Variants in SLC6A6 observed in about 807,000 individuals in gnomAD.
SLC6A6 encodes solute carrier family 6 member 6.
In SLC6A6, 16 loss-of-function variants were observed where a neutral mutation model predicts 68.8. That is an observed-to-expected ratio of 0.23 (90% CI 0.16 to 0.35). The LOEUF is 0.35. SLC6A6 is among the 10% of genes least tolerant of loss of function. SLC6A6 has a pLI of 1.00. For synonymous variants in SLC6A6, 312 were observed against 315.4 expected (o/e 0.99, Z 0.12); for missense variants, 474 against 802.8 (o/e 0.59, Z 4.95).
At chr3:14,447,505 C>G (rs1700152720) in intron 4 of SLC6A6, 77 bp from the exon 5 acceptor site, 1 of 1,577,572 alleles carries the variant, frequency 6.3e-7, no homozygotes, top group Non-Finnish European at 8.6e-7. Context: ...GATACCATGG[C>G]CTTCCAGTTG....
rs1321690169 is a variant in SLC6A6 at position 14,468,650 on chromosome 3, A to G, written c.1096+438A>G. Among the ~76,000 whole-genome samples, 2 of 152,122 alleles carry G rather than the reference A, an allele frequency of 1.3e-5. No homozygotes were observed. Among genetic ancestry groups the G allele is most frequent in the Non-Finnish European group, 1.5e-5 (1 of 68,024 alleles). On this transcript the variant is annotated intron_variant, in intron 9 of 14. Coordinates refer to ENST00000622186, the MANE Select transcript of SLC6A6 (RefSeq NM_003043.6). The surrounding 1 kb of genome is among the most constrained non-coding windows in gnomAD (Gnocchi z 4.5). ...CAGCGTGCTCCCTCTAAGCAGACGCATTCATCCATCCCACCGATTTCTCGT... is the reference window on the plus strand; with the variant it reads ...CAGCGTGCTCCCTCTAAGCAGACGCGTTCATCCATCCCACCGATTTCTCGT...
chr3:14,458,146 C>A lies in SLC6A6; in HGVS notation c.732+64C>A, dbSNP rs940107066. On this transcript the variant is annotated intron_variant, in intron 6 of 14. Transcript: ENST00000622186. ...GCTGTGCCAGGCTGGCCCTCTCCCC[C>A]ACTTCCCGCCTGCAATTAGCCACGC... 82 of 1,475,060 alleles carry A rather than the reference C, an allele frequency of 5.6e-5. No homozygotes were observed. In the Middle Eastern group the frequency reaches 1.4e-3, roughly 25 times the overall value. 91.4% of individuals were successfully genotyped at this position (1,475,060 alleles called of 1,614,324 possible).
intron 2 of SLC6A6, among the ~76,000 whole-genome samples, chr3:14,433,465 C>A (rs1307560286): frequency 6.6e-6 from 1 of 152,078 alleles, no homozygotes; most frequent in Non-Finnish European, 1.5e-5. Flanking sequence ...TGGTGAGGAA[C>A]CCAGGCGGCC....
At chr3:14,410,499 C>G (rs1266169942) in intron 1 of SLC6A6, among the ~76,000 whole-genome samples, 1 of 152,160 alleles carries the variant, frequency 6.6e-6, no homozygotes, top group Admixed American at 6.5e-5. Context: ...GCGTGGTGAG[C>G]AGCTCTGGCC....
rs1700913590 is a variant in SLC6A6 at position 14,477,814 on chromosome 3, A to G, written c.1347+472A>G. On this transcript the variant is annotated intron_variant, in intron 11 of 14. Coordinates refer to ENST00000622186, the MANE Select transcript of SLC6A6 (RefSeq NM_003043.6). The surrounding 1 kb of genome is among the most constrained non-coding windows in gnomAD (Gnocchi z 4.2). ...TGGGTTGATAGGGGGCACATACACTATTCAGAGGGTGAGCAGGGGCCAGGA... is the reference window on the plus strand; with the variant it reads ...TGGGTTGATAGGGGGCACATACACTGTTCAGAGGGTGAGCAGGGGCCAGGA... 1.3e-5 allele frequency among the ~76,000 whole-genome samples: 2 copies of G among 152,106 alleles called. No homozygotes were observed.
intron 5 of SLC6A6, among the ~76,000 whole-genome samples, chr3:14,457,102 GGTACTT>G (rs1157983254): frequency 1.3e-5 from 2 of 152,230 alleles, no homozygotes; most frequent in Non-Finnish European, 2.9e-5. Context: ...TCTGGGAGTA[GGTACTT>G]GTGTGCTTGT....
At chr3:14,444,664 T>C in intron 3 of SLC6A6, 1 of 451,132 alleles carries the variant, frequency 2.2e-6, no homozygotes. Flanking sequence ...TGGGCATGCC[T>C]TGTGCTGCCC....
At chr3:14,455,042 C>G (rs1700338321) in intron 5 of SLC6A6, among the ~76,000 whole-genome samples, 1 of 152,216 alleles carries the variant, frequency 6.6e-6, no homozygotes, top group Non-Finnish European at 1.5e-5. Flanking sequence ...ACATTTGAGT[C>G]ATTTCCAATC....
At chr3:14,458,823 T>C (rs1337131735) in intron 6 of SLC6A6, among the ~76,000 whole-genome samples, 1 of 152,278 alleles carries the variant, frequency 6.6e-6, no homozygotes. Flanking sequence ...GTATTATTCA[T>C]AACTGGAGTG....
At chr3:14,419,404 A>G (rs959670201) in intron 2 of SLC6A6, among the ~76,000 whole-genome samples, 1 of 152,198 alleles carries the variant, frequency 6.6e-6, no homozygotes, top group African/African-American at 2.4e-5. Flanking sequence ...AAGGGGCATG[A>G]TGCGGACATG....
At chr3:14,464,011 G>A (rs1371176538) in intron 6 of SLC6A6, among the ~76,000 whole-genome samples, 6 of 152,162 alleles carry the variant, frequency 3.9e-5, no homozygotes, top group African/African-American at 7.2e-5. Flanking sequence ...CAGAGGCAGC[G>A]TGCAACCCCT....
Position 14,481,246 on chromosome 3 carries a change from G to GAGA in SLC6A6, c.1552-421_1552-419dup, listed in dbSNP as rs34101269. Among the ~76,000 whole-genome samples the GAGA allele has an allele frequency of 0.24, 36,826 of 151,944 alleles. 4,733 individuals carry two copies. Among genetic ancestry groups the GAGA allele is most frequent in the African/African-American group, 0.31 (12,809 of 41,370 alleles). On this transcript the variant is annotated intron_variant, in intron 13 of 14. Coordinates refer to ENST00000622186, the MANE Select transcript of SLC6A6 (RefSeq NM_003043.6). The surrounding 1 kb of genome is among the most constrained non-coding windows in gnomAD (Gnocchi z 4.7). ...AGACCCAGTGGAGCCAAGTTAGGAT[G>GAGA]AGAAGATGTGGGGGAAAGAGGGCCA...
chr3:14,427,383 C>T (rs564811321), intron 2 of SLC6A6, among the ~76,000 whole-genome samples: 5 of 152,260 alleles, frequency 3.3e-5, no homozygotes, highest in South Asian at 4.1e-4. Flanking sequence ...GTGAGGAAAC[C>T]GAGGCACAGA....
intron 6 of SLC6A6, among the ~76,000 whole-genome samples, chr3:14,465,982 G>A (rs1197518973): frequency 6.6e-6 from 1 of 152,170 alleles, no homozygotes; most frequent in African/African-American, 2.4e-5. Context: ...TGTGAGGTGG[G>A]CTGGCGCTGT....
At chr3:14,407,135 G>C (rs963578585) in intron 1 of SLC6A6, among the ~76,000 whole-genome samples, 1 of 151,090 alleles carries the variant, frequency 6.6e-6, no homozygotes, top group Non-Finnish European at 1.5e-5. Context: ...CTGCAGCCTC[G>C]ATCTCCTGGG....
intron 13 of SLC6A6, among the ~76,000 whole-genome samples, chr3:14,479,662 G>A (rs985140249): frequency 1.3e-5 from 2 of 152,076 alleles, no homozygotes; most frequent in Non-Finnish European, 2.9e-5. Context: ...TTAGAGAGGG[G>A]AAGTCCTGGG....
rs771428962 is a variant in SLC6A6, at chr3:14,472,314, C to T, written c.1206C>T (p.Ser402=). Residue 402 remains serine, a synonymous_variant, in exon 10 of 15, where the codon AGC becomes AGT. Coordinates refer to ENST00000622186, the MANE Select transcript of SLC6A6 (RefSeq NM_003043.6). The surrounding 1 kb of genome is among the most constrained non-coding windows in gnomAD (Gnocchi z 4.5). The stretch of plus-strand genomic sequence containing the variant: ...TGCTTCTCTTGCTTGGACTGGATAG[C>T]CAGGTGCGTATAAGGGATGGCCCTG... ...FIMLLLLGLD[S]QFVEVEGQIT... is the part of the protein sequence containing the mutation. The T allele has an allele frequency of 2.5e-6, 4 of 1,583,582 alleles. No individual in the cohort carries two copies. The highest frequency in any genetic ancestry group is 1.7e-4 in the Middle Eastern group (1 of 6,000).
intron 11 of SLC6A6, 22 bp from the exon 12 acceptor site, chr3:14,478,441 CCTT>C: frequency 2.0e-6 from 3 of 1,469,644 alleles, no homozygotes; most frequent in Non-Finnish European, 1.9e-6. Flanking sequence ...AGGAAATCGA[CCTT>C]CTGTGGTTTT....
intron 2 of SLC6A6, among the ~76,000 whole-genome samples, chr3:14,416,959 C>A (rs1559285527): frequency 6.6e-6 from 1 of 152,260 alleles, no homozygotes; most frequent in Admixed American, 6.5e-5. Flanking sequence ...ATCCTCCCAC[C>A]CCAGCCTCCC....
Sources: gnomAD v4.1 joint callset for allele counts (sites outside exome capture counted in the v4.1 genomes callset) on GRCh38, gnomAD v4.1.1 for gene constraint, Gnocchi (gnomAD v3.1) non-coding constraint, MANE v1.5 for transcripts, NCBI Gene and HGNC (gene_info 2026-07-23, HGNC 2026-07-21) for gene names.